The following MATN2 variants were observed in gnomAD, a reference collection of about 807,000 sequenced individuals.
The protein encoded by MATN2 is matrilin-2.
A neutral mutation model predicts 103.2 loss-of-function variants in MATN2; 69 were observed. The ratio of observed to expected loss-of-function variants is 0.67; its 90% CI spans 0.55 to 0.82. MATN2 has a LOEUF of 0.82. Ranked by LOEUF, MATN2 falls within the 40% of genes least tolerant of loss-of-function variation. MATN2 has a pLI of 0.00. For synonymous variants in MATN2, 429 were observed against 450.2 expected, an observed-to-expected ratio of 0.95 and a Z score of 0.60; for missense variants, 1,023 against 1,211.5, an observed-to-expected ratio of 0.84 and a Z score of 2.31.
chr8:97,900,101 A>G (rs527748193), intron 2 of MATN2, among the ~76,000 whole-genome samples: 6 of 152,262 alleles, frequency 3.9e-5, no homozygotes, highest in Non-Finnish European at 5.9e-5. Flanking sequence ...TCAAAAGCCA[A>G]GAATTAGAAC....
intron 16 of MATN2, 136 bp downstream of exon 16, chr8:98,032,453 T>C (rs1586177577): frequency 4.5e-6 from 3 of 664,254 alleles, no homozygotes; most frequent in East Asian, 2.8e-5. Flanking sequence ...CTCAAAAAGA[T>C]AGTTAACATT....
intron 2 of MATN2, among the ~76,000 whole-genome samples, chr8:97,922,994 A>G (rs984654100): frequency 6.6e-6 from 1 of 152,098 alleles, no homozygotes; most frequent in African/African-American, 2.4e-5. Context: ...TAAGAGTTCT[A>G]CCTAATTGTT....
In MATN2 at chr8:97,972,059, G is replaced by T. The variant is rs1024014985; in HGVS notation, c.959-6827G>T. ...AAAATAACAAAAATTAGCTGGGGGT[G>T]GTAGCACACACCTGTAGTCCCAGCT... On this transcript the variant is annotated intron_variant, in intron 5 of 18. Coordinates refer to ENST00000254898, the MANE Select transcript of MATN2 (RefSeq NM_002380.5). Among the ~76,000 whole-genome samples the T allele has an allele frequency of 1.8e-4, 28 of 152,110 alleles. No individual in the cohort carries two copies. In the East Asian group the frequency reaches 4.8e-3, roughly 26 times the overall value.
intron 2 of MATN2, among the ~76,000 whole-genome samples, chr8:97,901,958 A>G (rs1354172110): frequency 1.3e-5 from 2 of 152,050 alleles, no homozygotes; most frequent in Non-Finnish European, 2.9e-5. Flanking sequence ...ATTTGTCTAC[A>G]TTTTCAAATC....
At chr8:97,899,101 T>C (rs1263145413) in intron 2 of MATN2, among the ~76,000 whole-genome samples, 3 of 152,028 alleles carry the variant, frequency 2.0e-5, no homozygotes, top group Non-Finnish European at 2.9e-5. Context: ...TTTTATCCAG[T>C]TGAATTGGAC....
intron 6 of MATN2, among the ~76,000 whole-genome samples, chr8:97,988,285 G>A (rs1261626931): frequency 6.8e-6 from 1 of 146,864 alleles, no homozygotes; most frequent in African/African-American, 2.6e-5. Flanking sequence ...CAACTTAGAT[G>A]AAATGGACAA....
At chr8:97,964,239 C>T (rs1268355348) in intron 5 of MATN2, among the ~76,000 whole-genome samples, 2 of 152,082 alleles carry the variant, frequency 1.3e-5, no homozygotes, top group Admixed American at 6.6e-5. Context: ...ACCTGAGGGC[C>T]AGAAGGCGCT....
chr8:97,875,695 T>G (rs868361222), intron 1 of MATN2, among the ~76,000 whole-genome samples: 13 of 129,210 alleles, frequency 1.0e-4, no homozygotes, highest in Non-Finnish European at 1.8e-4. Flanking sequence ...TGCCTGTTTT[T>G]TTTTTTTTTT....
At chr8:97,945,160 C>T (rs1348956279) in intron 4 of MATN2, among the ~76,000 whole-genome samples, 1 of 152,116 alleles carries the variant, frequency 6.6e-6, no homozygotes, top group Non-Finnish European at 1.5e-5. Context: ...AAAGTGACTG[C>T]AATCCACGTC....
chr8:97,963,357 G>C (rs76697483), intron 5 of MATN2, among the ~76,000 whole-genome samples: 2,367 of 152,246 alleles, frequency 0.016, 27 homozygotes, highest in Non-Finnish European at 0.023. Context: ...AGGACAAGGG[G>C]AGGGACAGTA....
At chr8:97,967,342 G>A (rs559566373) in intron 5 of MATN2, among the ~76,000 whole-genome samples, 20 of 151,854 alleles carry the variant, frequency 1.3e-4, no homozygotes, top group Admixed American at 6.6e-4. Flanking sequence ...GTTCCCCAAA[G>A]TCTTAACTTG....
Position 98,015,766 on chromosome 8 carries a change from A to C in MATN2, c.1574-774A>C, listed in dbSNP as rs576513044. Among the ~76,000 whole-genome samples the C allele has an allele frequency of 5.5e-4, 84 of 152,266 alleles. 1 individual carries two copies. In the South Asian group the frequency reaches 0.017, roughly 31 times the overall value. On this transcript the variant is annotated intron_variant, in intron 10 of 18. Transcript: ENST00000254898. ...TTTTCCACGCATCCCTCTTCTCCTG[A>C]CACCTGCTGCCAAATGTAAGCTTCA...
In MATN2 at chr8:97,982,049, G is replaced by A. The variant is rs977132609; in HGVS notation, c.1081+3041G>A. Among the ~76,000 whole-genome samples the A allele has an allele frequency of 6.6e-6, 1 of 152,230 alleles. No individual in the cohort carries two copies. Among genetic ancestry groups the A allele is most frequent in the Non-Finnish European group, 1.5e-5 (1 of 68,032 alleles). ...GCCGCCCCAATGCGTGTGCAGGGAA[G>A]AGTGCTGGGAGACTGGAGGGTTCGT... On this transcript the variant is annotated intron_variant, in intron 6 of 18. Transcript: ENST00000254898. The surrounding 1 kb of genome is among the most constrained non-coding windows in gnomAD (Gnocchi z 4.3).
At chr8:97,882,124 A>G (rs1167546304) in intron 1 of MATN2, among the ~76,000 whole-genome samples, 1 of 151,004 alleles carries the variant, frequency 6.6e-6, no homozygotes, top group African/African-American at 2.4e-5. Flanking sequence ...GGGTTTCACA[A>G]TGTTGGCCAG....
At chr8:97,884,098 A>G (rs1319384150) in intron 1 of MATN2, among the ~76,000 whole-genome samples, 1 of 152,154 alleles carries the variant, frequency 6.6e-6, no homozygotes, top group Non-Finnish European at 1.5e-5. Flanking sequence ...TAAGTGGCTT[A>G]ATATGACAAA....
chr8:98,032,043 C>T (rs1814042360), intron 15 of MATN2: 2 of 425,640 alleles, frequency 4.7e-6, no homozygotes, highest in South Asian at 5.2e-5. Context: ...CCAAGCTTCT[C>T]TTACGAGAGA....
At chr8:97,985,036 A>G (rs1328575607) in intron 6 of MATN2, among the ~76,000 whole-genome samples, 1 of 152,234 alleles carries the variant, frequency 6.6e-6, no homozygotes, top group Admixed American at 6.5e-5. Context: ...GATATGTTTT[A>G]GTCCATTTGT....
intron 12 of MATN2, among the ~76,000 whole-genome samples, chr8:98,020,351 G>C (rs1813543334): frequency 6.6e-6 from 1 of 152,074 alleles, no homozygotes; most frequent in Admixed American, 6.5e-5. Flanking sequence ...TCACCATGTT[G>C]CCCAGGCTGG....
intron 4 of MATN2, among the ~76,000 whole-genome samples, chr8:97,959,989 G>A (rs1039820879): frequency 2.6e-5 from 4 of 151,950 alleles, no homozygotes; most frequent in East Asian, 1.9e-4. Flanking sequence ...TTGTTCTGTC[G>A]CCCAGGCTGG....
Sources: allele counts gnomAD v4.1 joint callset (sites outside exome capture counted in the v4.1 genomes callset), GRCh38; gene constraint gnomAD v4.1.1; non-coding constraint Gnocchi (gnomAD v3.1); transcripts MANE v1.5; gene names NCBI Gene and HGNC (gene_info 2026-07-23, HGNC 2026-07-21).